The following CD1B variants were observed in gnomAD, a reference collection of about 807,000 sequenced individuals.
CD1B encodes the protein CD1b molecule.
A neutral mutation model predicts 39.8 loss-of-function variants in CD1B; 43 were observed. The observed-to-expected ratio is 1.08, with a 90% CI of 0.85 to 1.39. The LOEUF is 1.39. Ranked by LOEUF, CD1B falls within the 40% of genes most tolerant of loss-of-function variation. The pLI is 0.00. For missense variants in CD1B, 495 were observed against 403.8 expected, an observed-to-expected ratio of 1.23 and a Z score of -1.94; for synonymous variants, 192 against 152.5, an observed-to-expected ratio of 1.26 and a Z score of -1.91.
chr1:158,318,878 G>A, the CD1B span, among the ~76,000 whole-genome samples: 1 of 152,130 alleles, frequency 6.6e-6, no homozygotes, highest in Non-Finnish European at 1.5e-5. Flanking sequence ...AAATCTTTCA[G>A]CATTTGCTTG....
chr1:158,330,815 G>A lies in CD1B; in HGVS notation c.309C>T (p.Ala103=), dbSNP rs527953499. ...ACTCACATTTCATCTGGAAATCACC[G>A]GCAAAGTCTTGTACTTCTCGAGCGA... ...FGFAREVQDF[A]GDFQMKYPFE... The change falls in exon 2 of 6, where the codon GCC becomes GCT. Residue 103 remains alanine, a synonymous_variant. Transcript: ENST00000368168. 7.6e-5 allele frequency: 122 copies of A among 1,614,118 alleles called. 2 individuals carry two copies. The South Asian group carries it at 7.9e-4, about 10-fold the overall frequency.
At chr1:158,324,660 AT>A (rs930043025), downstream of CD1B, among the ~76,000 whole-genome samples, 23 of 151,454 alleles carry the variant, frequency 1.5e-4, no homozygotes, top group African/African-American at 4.6e-4. Context: ...CCACAGGCTA[AT>A]TTTTTTTTAG....
the CD1B span, among the ~76,000 whole-genome samples, chr1:158,320,583 G>A: frequency 9.3e-4 from 141 of 152,162 alleles, no homozygotes; most frequent in South Asian, 2.7e-3. Context: ...AGACGAACCC[G>A]GTACCTCAGA....
the CD1B span, chr1:158,293,483 TC>T: frequency 1.4e-5 from 22 of 1,614,050 alleles, no homozygotes; most frequent in Non-Finnish European, 1.8e-5. Flanking sequence ...GTGAGACTCT[TC>T]CCCCTGACTC....
At chr1:158,297,068 G>T in the CD1B span, among the ~76,000 whole-genome samples, 1 of 152,074 alleles carries the variant, frequency 6.6e-6, no homozygotes, top group African/African-American at 2.4e-5. Flanking sequence ...CTTCACTATA[G>T]AGGTCAACAT....
chr1:158,330,516 G>A (rs962879), intron 2 of CD1B: 1 of 620,764 alleles, frequency 1.6e-6, no homozygotes, highest in East Asian at 3.1e-5. Context: ...GGTAGGAGAA[G>A]TAAGGGCCCT....
At chr1:158,303,390 T>C in the CD1B span, among the ~76,000 whole-genome samples, 1 of 152,286 alleles carries the variant, frequency 6.6e-6, no homozygotes, top group South Asian at 2.1e-4. Context: ...ATGTCCACTC[T>C]TACCACTGCT....
chr1:158,287,621 T>A, the CD1B span, among the ~76,000 whole-genome samples: 1 of 152,210 alleles, frequency 6.6e-6, no homozygotes, highest in Non-Finnish European at 1.5e-5. Context: ...CTAGTGGCAC[T>A]ATCAGAAGTC....
At chr1:158,321,716 A>G in the CD1B span, among the ~76,000 whole-genome samples, 2 of 152,178 alleles carry the variant, frequency 1.3e-5, no homozygotes, top group African/African-American at 2.4e-5. Context: ...AGGCTTTGAA[A>G]TACATATTTT....
At chr1:158,317,932 T>C in the CD1B span, among the ~76,000 whole-genome samples, 1 of 152,254 alleles carries the variant, frequency 6.6e-6, no homozygotes, top group Non-Finnish European at 1.5e-5. Flanking sequence ...CCAGTAGTCA[T>C]TCAGAAGCAG....
the CD1B span, among the ~76,000 whole-genome samples, chr1:158,297,986 T>A: frequency 8.0e-5 from 12 of 150,790 alleles, no homozygotes; most frequent in Non-Finnish European, 1.8e-4. Context: ...ACCTGTAAGT[T>A]ATCTTCAAGA....
the CD1B span, among the ~76,000 whole-genome samples, chr1:158,300,428 A>G: frequency 0.011 from 1,723 of 152,166 alleles, 30 homozygotes; most frequent in African/African-American, 0.04. Context: ...AATAAGTATG[A>G]TGTGGTGCTG....
At chr1:158,302,120 G>A in the CD1B span, among the ~76,000 whole-genome samples, 1 of 151,952 alleles carries the variant, frequency 6.6e-6, no homozygotes, top group Non-Finnish European at 1.5e-5. Context: ...AACAAAAATA[G>A]AAATCAAGAT....
chr1:158,330,907 T>C lies in CD1B; in HGVS notation c.217A>G (p.Lys73Glu). The change falls in exon 2 of 6, where the codon AAA (lysine) becomes GAA (glutamate). Residue 73 changes from lysine (K) to glutamate (E), a missense_variant. By Grantham distance (56) the Lys-to-Glu change is moderately conservative. Coordinates refer to ENST00000368168, the MANE Select transcript of CD1B (RefSeq NM_001764.3). ...GTAIFLKPWS[K>E]GNFSDKEVAE... ...ACCTCCTTATCACTAAAGTTACCTT[T>C]AGACCAAGGCTTCAGGAATATGGCA... 1 of 1,614,114 alleles carries C rather than the reference T, an allele frequency of 6.2e-7. No individual in the cohort carries two copies. The highest frequency in any genetic ancestry group is 8.5e-7 in the Non-Finnish European group (1 of 1,179,980).
At chr1:158,291,344 A>G in the CD1B span, 1 of 1,614,020 alleles carries the variant, frequency 6.2e-7, no homozygotes, top group Non-Finnish European at 8.5e-7. Context: ...TTTCGTTTCT[A>G]CCTCTTTGGA....
the CD1B span, among the ~76,000 whole-genome samples, chr1:158,317,652 C>T: frequency 6.6e-6 from 1 of 152,028 alleles, no homozygotes. Context: ...GTTTTTGTGT[C>T]TCTATTTCCT....
At chr1:158,297,558 A>G in the CD1B span, among the ~76,000 whole-genome samples, 1 of 152,200 alleles carries the variant, frequency 6.6e-6, no homozygotes, top group Non-Finnish European at 1.5e-5. Flanking sequence ...CAACCAGCTA[A>G]CAATAATGAC....
chr1:158,291,088 CTT>C, the CD1B span: 2,056 of 1,239,974 alleles, frequency 1.7e-3, no homozygotes, highest in Admixed American at 3.5e-3. Flanking sequence ...CCTTGCCTCT[CTT>C]TTTTTTTTTT....
At chr1:158,316,199 C>T in the CD1B span, among the ~76,000 whole-genome samples, 1 of 152,020 alleles carries the variant, frequency 6.6e-6, no homozygotes, top group Non-Finnish European at 1.5e-5. Context: ...TGAAGAAAGG[C>T]ATTGGTAGCT....
Sources: allele counts gnomAD v4.1 joint callset (sites outside exome capture counted in the v4.1 genomes callset), GRCh38; gene constraint gnomAD v4.1.1; transcripts MANE v1.5; gene names NCBI Gene and HGNC (gene_info 2026-07-23, HGNC 2026-07-21).